ECT2L: variants seen among roughly 807,000 people sequenced by gnomAD.
ECT2L encodes epithelial cell transforming 2 like, also known as epithelial cell-transforming sequence 2 oncogene-like.
ECT2L carries 126 observed loss-of-function variants against 122.8 expected under a neutral mutation model. That is an observed-to-expected ratio of 1.03 (90% confidence interval 0.89 to 1.19). ECT2L has a LOEUF of 1.19. Ranked by LOEUF, ECT2L falls within the 50% of genes most tolerant of loss-of-function variation. ECT2L has a pLI of 0.00. For synonymous variants in ECT2L, 385 were observed against 381.8 expected, an observed-to-expected ratio of 1.01 and a Z score of -0.10; for missense variants, 1,012 against 1,064.1, an observed-to-expected ratio of 0.95 and a Z score of 0.68.
At chr6:138,810,043 T>C (rs1035087309) in intron 1 of ECT2L, among the ~76,000 whole-genome samples, 7 of 152,238 alleles carry the variant, frequency 4.6e-5, no homozygotes, top group East Asian at 1.9e-4. Flanking sequence ...GAGCTCGTAC[T>C]TTATGCAAAG....
Position 138,903,280 on chromosome 6 carries a change from T to C in ECT2L, c.*653T>C, listed in dbSNP as rs1779468328. ...GCTGAGGCAGGAGAAGAATCACTTGTACCCGGGAGTCGGAGGTTGTAGTAA... is the reference window on the plus strand; with the variant it reads ...GCTGAGGCAGGAGAAGAATCACTTGCACCCGGGAGTCGGAGGTTGTAGTAA... On this transcript the variant is annotated 3_prime_UTR_variant, in exon 22 of 22. Transcript: ENST00000541398. 1 of 151,784 alleles carries C rather than the reference T, an allele frequency of 6.6e-6. No homozygotes were observed. The highest frequency in any genetic ancestry group is 2.1e-4 in the South Asian group (1 of 4,808). 9.4% of individuals were successfully genotyped at this position (151,784 alleles called of 1,614,324 possible).
At position 138,831,793 on chromosome 6, in the gene ECT2L, T is replaced by A. The variant is rs905949313; in HGVS notation, c.180-6559T>A. On this transcript the variant is annotated intron_variant, in intron 4 of 21. Transcript: ENST00000541398. ...AAATAATGTTGATTTAATAAGTGAATCCGTGAACTGTACAATCACAGTAAA... is the reference window on the plus strand; with the variant it reads ...AAATAATGTTGATTTAATAAGTGAAACCGTGAACTGTACAATCACAGTAAA... Among the ~76,000 whole-genome samples the A allele has an allele frequency of 3.9e-5, 6 of 152,206 alleles. No individual in the cohort carries two copies. The South Asian group carries it at 1.0e-3, about 26-fold the overall frequency.
intron 20 of ECT2L, among the ~76,000 whole-genome samples, chr6:138,892,238 G>A (rs1216598568): frequency 1.3e-5 from 2 of 152,090 alleles, no homozygotes; most frequent in Non-Finnish European, 2.9e-5. Flanking sequence ...TGTGTCCAGT[G>A]TATTAATGAC....
chr6:138,805,652 G>A (rs1349452694), intron 1 of ECT2L, among the ~76,000 whole-genome samples: 1 of 152,152 alleles, frequency 6.6e-6, no homozygotes, highest in Non-Finnish European at 1.5e-5. Flanking sequence ...CTGGTGCTTT[G>A]ACGGGGGTGG....
intron 10 of ECT2L, among the ~76,000 whole-genome samples, chr6:138,857,300 T>C (rs1308261226): frequency 1.3e-5 from 2 of 152,172 alleles, no homozygotes; most frequent in Non-Finnish European, 2.9e-5. Flanking sequence ...TGAGCGCGCA[T>C]CCATATCACC....
intron 21 of ECT2L, among the ~76,000 whole-genome samples, chr6:138,902,015 A>G (rs1020750025): frequency 1.3e-5 from 2 of 152,224 alleles, no homozygotes; most frequent in Non-Finnish European, 2.9e-5. Flanking sequence ...TGTATGAAAC[A>G]TGTCTCCTTC....
chr6:138,834,705 G>C (rs564954358), intron 4 of ECT2L, among the ~76,000 whole-genome samples: 1 of 152,236 alleles, frequency 6.6e-6, no homozygotes, highest in South Asian at 2.1e-4. Flanking sequence ...AATGAGGACA[G>C]TAATTCATTA....
intron 4 of ECT2L, among the ~76,000 whole-genome samples, chr6:138,819,558 C>T (rs966875315): frequency 6.6e-6 from 1 of 152,100 alleles, no homozygotes; most frequent in African/African-American, 2.4e-5. Flanking sequence ...ATCTCTAGCA[C>T]TTAGAGCCAT....
intron 14 of ECT2L, among the ~76,000 whole-genome samples, chr6:138,878,518 C>A (rs1203584333): frequency 6.6e-6 from 1 of 152,202 alleles, no homozygotes; most frequent in African/African-American, 2.4e-5. Flanking sequence ...ATGACCTCGG[C>A]TCACTGCAAC....
At chr6:138,861,895 A>C in intron 10 of ECT2L, among the ~76,000 whole-genome samples, 1 of 152,152 alleles carries the variant, frequency 6.6e-6, no homozygotes, top group East Asian at 1.9e-4. Flanking sequence ...TTTGAGTCAG[A>C]CTATTTTAGA....
At chr6:138,826,209 C>A (rs17067939) in intron 4 of ECT2L, among the ~76,000 whole-genome samples, 1 of 152,084 alleles carries the variant, frequency 6.6e-6, no homozygotes, top group Non-Finnish European at 1.5e-5. Context: ...TCTCTCAGCT[C>A]TCTTGCTCTG....
chr6:138,817,741 TTTAAAGGTTTAGCTTC>T (rs1162422718), intron 4 of ECT2L, among the ~76,000 whole-genome samples: 5 of 152,230 alleles, frequency 3.3e-5, no homozygotes, highest in Admixed American at 6.5e-5. Flanking sequence ...TAAGACATTT[TTTAAAGGTTTAGCTTC>T]TTAAACCATC....
rs949611298 is a variant in ECT2L, at chr6:138,874,177, T to A, written c.1579-2295T>A. ...ACTAGAATGTCTCTGGAAAATAGTG[T>A]CTGCCCATGCTCCATCCTAGAGAAA... On this transcript the variant is annotated intron_variant, in intron 13 of 21. Coordinates refer to ENST00000541398, the MANE Select transcript of ECT2L (RefSeq NM_001077706.3). 2.0e-5 allele frequency among the ~76,000 whole-genome samples: 3 copies of A among 152,124 alleles called. No homozygotes were observed. In the East Asian group the frequency reaches 5.8e-4, roughly 29 times the overall value.
chr6:138,844,372 A>G (rs1777146100), intron 6 of ECT2L, 40 bp from the exon 7 acceptor site: 1 of 1,601,236 alleles, frequency 6.2e-7, no homozygotes, highest in African/African-American at 1.3e-5. Flanking sequence ...TGGGAGAAGT[A>G]TGAAGTAATC....
chr6:138,901,324 T>C (rs1350325999), intron 21 of ECT2L, among the ~76,000 whole-genome samples: 1 of 152,226 alleles, frequency 6.6e-6, no homozygotes, highest in Non-Finnish European at 1.5e-5. Flanking sequence ...CATTCAGACA[T>C]GAACCTTAGA....
intron 16 of ECT2L, among the ~76,000 whole-genome samples, chr6:138,884,733 G>A (rs977164999): frequency 7.2e-5 from 11 of 152,028 alleles, no homozygotes; most frequent in Non-Finnish European, 1.5e-4. Flanking sequence ...AGTATTAAAG[G>A]TGAATACCAT....
intron 4 of ECT2L, among the ~76,000 whole-genome samples, chr6:138,820,215 G>A (rs1776228247): frequency 4.6e-5 from 7 of 152,132 alleles, no homozygotes. Flanking sequence ...TGCCTCCCCT[G>A]GATGGTGTCT....
chr6:138,864,002 T>TAAAAAAAAAAAAAAAAAAA (rs1172466449), intron 11 of ECT2L, among the ~76,000 whole-genome samples: 5 of 55,872 alleles, frequency 8.9e-5, no homozygotes, highest in Admixed American at 3.2e-4. Flanking sequence ...TCTCCGTATT[T>TAAAAAAAAAAAAAAAAAAA]AAAAAAAAAA....
At chr6:138,863,776 C>T (rs1427834471) in intron 11 of ECT2L, among the ~76,000 whole-genome samples, 13 of 151,310 alleles carry the variant, frequency 8.6e-5, no homozygotes, top group Non-Finnish European at 1.6e-4. Context: ...CCACCACGCC[C>T]GACTAATTTT....
Sources: gnomAD v4.1 joint callset for allele counts (sites outside exome capture counted in the v4.1 genomes callset) on GRCh38, gnomAD v4.1.1 for gene constraint, MANE v1.5 for transcripts, NCBI Gene and HGNC (gene_info 2026-07-23, HGNC 2026-07-21) for gene names.